The following SYNPR variants were observed in gnomAD, a reference collection of about 807,000 sequenced individuals.
SYNPR encodes synaptoporin.
SYNPR carries 23 observed loss-of-function variants against 32.9 expected under a neutral mutation model. The ratio of observed to expected loss-of-function variants is 0.70; its 90% CI spans 0.50 to 0.99. SYNPR has a LOEUF of 0.99. Ranked by LOEUF, SYNPR falls within the 50% of genes least tolerant of loss-of-function variation. SYNPR has a pLI of 0.00. For missense variants in SYNPR, 318 were observed against 349.3 expected (o/e 0.91, Z 0.71); for synonymous variants, 146 against 135.9 (o/e 1.07, Z -0.52).
intron 4 of SYNPR, among the ~76,000 whole-genome samples, chr3:63,557,876 A>T (rs1702620915): frequency 6.6e-6 from 1 of 152,240 alleles, no homozygotes; most frequent in Admixed American, 6.5e-5. Context: ...AGTATATATT[A>T]ACTGCTATGG....
At chr3:63,304,295 G>A (rs1238701508) in intron 2 of SYNPR, among the ~76,000 whole-genome samples, 2 of 151,834 alleles carry the variant, frequency 1.3e-5, no homozygotes, top group East Asian at 3.9e-4. Flanking sequence ...TCCCCAAACA[G>A]TAAGACCTTC....
At chr3:63,268,700 CT>C (rs111863275) in intron 3 of SYNPR, among the ~76,000 whole-genome samples, 79,269 of 151,380 alleles carry the variant, frequency 0.52, 21,886 homozygotes, top group African/African-American at 0.64. Context: ...ATCTTGCTGT[CT>C]CAGGGGTGGT....
At chr3:63,261,974 A>G (rs1373547183) in intron 2 of SYNPR, among the ~76,000 whole-genome samples, 2 of 152,116 alleles carry the variant, frequency 1.3e-5, no homozygotes, top group African/African-American at 2.4e-5. Flanking sequence ...ACATGTATAC[A>G]TATGTAACAA....
intron 3 of SYNPR, among the ~76,000 whole-genome samples, chr3:63,518,428 G>A (rs1428514116): frequency 2.6e-5 from 4 of 152,026 alleles, no homozygotes; most frequent in Non-Finnish European, 5.9e-5. Context: ...TCCCAGGCCT[G>A]GAACAAGCAA....
chr3:63,339,468 A>G (rs2087335918), intron 2 of SYNPR, among the ~76,000 whole-genome samples: 1 of 152,224 alleles, frequency 6.6e-6, no homozygotes, highest in South Asian at 2.1e-4. Context: ...TTGGGAAATT[A>G]TAGTATAACA....
intron 4 of SYNPR, among the ~76,000 whole-genome samples, chr3:63,604,954 T>C (rs1488471161): frequency 1.3e-5 from 2 of 152,222 alleles, no homozygotes; most frequent in Non-Finnish European, 2.9e-5. Context: ...TATTCTTATG[T>C]AATGTTATAT....
chr3:63,548,665 A>T (rs1376883952), intron 3 of SYNPR, among the ~76,000 whole-genome samples: 1 of 152,204 alleles, frequency 6.6e-6, no homozygotes, highest in Non-Finnish European at 1.5e-5. Context: ...CAGAATTGAA[A>T]CAGGGCCTAT....
chr3:63,384,971 G>A (rs1286013523), intron 2 of SYNPR, among the ~76,000 whole-genome samples: 1 of 152,112 alleles, frequency 6.6e-6, no homozygotes, highest in Non-Finnish European at 1.5e-5. Flanking sequence ...AGGCATGCTT[G>A]AGGTGGAAAA....
At chr3:63,570,208 C>A (rs1036563991) in intron 4 of SYNPR, among the ~76,000 whole-genome samples, 1 of 152,066 alleles carries the variant, frequency 6.6e-6, no homozygotes, top group Non-Finnish European at 1.5e-5. Context: ...CTTAGGGGAA[C>A]AGGGCGGGTG....
At chr3:63,372,184 C>A (rs367920488) in intron 2 of SYNPR, among the ~76,000 whole-genome samples, 4 of 151,638 alleles carry the variant, frequency 2.6e-5, no homozygotes, top group African/African-American at 9.7e-5. Flanking sequence ...AAAACAAAAA[C>A]ACATAAAAAC....
At chr3:63,598,836 C>T (rs960223628) in intron 4 of SYNPR, among the ~76,000 whole-genome samples, 2 of 152,170 alleles carry the variant, frequency 1.3e-5, no homozygotes, top group South Asian at 2.1e-4. Flanking sequence ...GTATGATAAC[C>T]TAGCAGTAAA....
At chr3:63,231,278 A>G (rs2086164620) in intron 1 of SYNPR, among the ~76,000 whole-genome samples, 1 of 149,128 alleles carries the variant, frequency 6.7e-6, no homozygotes, top group Non-Finnish European at 1.5e-5. Flanking sequence ...GAGCTAAGCT[A>G]TGAGAATGGA....
At chr3:63,315,249 T>C (rs2087028172) in intron 2 of SYNPR, among the ~76,000 whole-genome samples, 1 of 152,090 alleles carries the variant, frequency 6.6e-6, no homozygotes, top group Admixed American at 6.6e-5. Context: ...AATTTTAGAA[T>C]TGTTTTTTCT....
intron 2 of SYNPR, among the ~76,000 whole-genome samples, chr3:63,455,756 G>GGGGT (rs1553637948): frequency 6.9e-6 from 1 of 144,282 alleles, no homozygotes; most frequent in African/African-American, 2.6e-5. Context: ...TCATGTTTGG[G>GGGGT]GTGTGTGTGT....
intron 2 of SYNPR, among the ~76,000 whole-genome samples, chr3:63,410,868 C>T (rs1157202642): frequency 6.6e-6 from 1 of 152,128 alleles, no homozygotes; most frequent in African/African-American, 2.4e-5. Flanking sequence ...GAGTGCCTGA[C>T]TTATGAGGCT....
the SYNPR span, among the ~76,000 whole-genome samples, chr3:63,207,813 A>G: frequency 5.9e-5 from 9 of 152,122 alleles, no homozygotes; most frequent in Non-Finnish European, 7.3e-5. Context: ...TTTTGATGTA[A>G]ATCTCAGAAT....
intron 3 of SYNPR, among the ~76,000 whole-genome samples, chr3:63,270,044 A>G (rs1001087037): frequency 1.3e-5 from 2 of 152,196 alleles, no homozygotes; most frequent in African/African-American, 4.8e-5. Context: ...TAATATTTTC[A>G]GATACAAAGA....
At chr3:63,574,937 A>G (rs2106851762) in intron 4 of SYNPR, among the ~76,000 whole-genome samples, 1 of 152,214 alleles carries the variant, frequency 6.6e-6, no homozygotes, top group African/African-American at 2.4e-5. Flanking sequence ...TAAATTTTTG[A>G]AAGTGTGGGC....
intron 2 of SYNPR, among the ~76,000 whole-genome samples, chr3:63,346,364 T>C (rs1368131704): frequency 6.6e-6 from 1 of 152,210 alleles, no homozygotes; most frequent in Non-Finnish European, 1.5e-5. Context: ...TATGCGCTGT[T>C]TTACTTTCTA....
Sources: allele counts gnomAD v4.1 joint callset (sites outside exome capture counted in the v4.1 genomes callset), GRCh38; gene constraint gnomAD v4.1.1; transcripts MANE v1.5; gene names NCBI Gene and HGNC (gene_info 2026-07-23, HGNC 2026-07-21).